TRPM3: variants seen among roughly 807,000 people sequenced by gnomAD.
TRPM3 encodes the protein long transient receptor potential channel 3.
Under a neutral mutation model 181.2 loss-of-function variants are expected in TRPM3, and 77 were observed. The observed-to-expected ratio is 0.42, with a 90% CI of 0.35 to 0.51. The LOEUF is 0.51. TRPM3 is among the 20% of genes least tolerant of loss of function. The pLI, the probability that TRPM3 is intolerant of heterozygous loss-of-function variation, is 0.01. For synonymous variants in TRPM3, 745 were observed against 796.4 expected, an observed-to-expected ratio of 0.94 and a Z score of 1.09; for missense variants, 1,759 against 2,196.7, an observed-to-expected ratio of 0.80 and a Z score of 3.98.
chr9:71,325,312 T>G (rs957405859), intron 1 of TRPM3, among the ~76,000 whole-genome samples: 3 of 152,310 alleles, frequency 2.0e-5, no homozygotes, highest in South Asian at 4.1e-4. Flanking sequence ...GCCAATGTGA[T>G]GAGCAAGGAA....
chr9:70,949,350 C>G (rs1459340576), intron 1 of TRPM3, among the ~76,000 whole-genome samples: 1 of 152,096 alleles, frequency 6.6e-6, no homozygotes, highest in African/African-American at 2.4e-5. Flanking sequence ...AGCCACCATG[C>G]CTGGTCAGTG....
At chr9:70,539,763 ACTAT>A (rs1213673791) in intron 25 of TRPM3, among the ~76,000 whole-genome samples, 1 of 152,158 alleles carries the variant, frequency 6.6e-6, no homozygotes, top group East Asian at 1.9e-4. Flanking sequence ...TTACTTTTTC[ACTAT>A]CTAGCCTATG....
At chr9:71,445,743 T>C (rs1429106470) in intron 1 of TRPM3, among the ~76,000 whole-genome samples, 1 of 152,148 alleles carries the variant, frequency 6.6e-6, no homozygotes, top group Non-Finnish European at 1.5e-5. Context: ...CTCTTCAATA[T>C]ACAACATCTG....
chr9:71,386,482 G>A (rs114336949), intron 1 of TRPM3, among the ~76,000 whole-genome samples: 2,142 of 151,772 alleles, frequency 0.014, 47 homozygotes, highest in African/African-American at 0.046. Context: ...ATATAGGAAG[G>A]GAACACATTC....
chr9:71,191,561 T>G (rs1216166470), intron 1 of TRPM3, among the ~76,000 whole-genome samples: 1 of 151,760 alleles, frequency 6.6e-6, no homozygotes, highest in Non-Finnish European at 1.5e-5. Flanking sequence ...AAACTTTGAG[T>G]TCTTTACACT....
At position 70,776,471 on chromosome 9, in the gene TRPM3, T is replaced by G. The variant is rs1406008055; in HGVS notation, c.1148+7634A>C. The G allele has an allele frequency of 7.2e-6, 5 of 698,866 alleles. No homozygotes were observed. The Admixed American group carries it at 8.5e-5, about 12-fold the overall frequency. The allele number at this position is 698,866 out of a possible 1,614,324, so 43.3% of individuals were successfully genotyped here. A position where few individuals can be genotyped will look rare whatever the true frequency, so the allele number is the denominator to read the frequency against. ...TCCTTTTTTCTTTCTCTTTTTAGAT[T>G]GGTTATATATTTTGAGCTAGTCAAA... is the stretch of plus-strand genomic sequence containing the variant. On this transcript the variant is annotated intron_variant, in intron 7 of 25. Coordinates refer to ENST00000677713, the MANE Select transcript of TRPM3 (RefSeq NM_001366145.2).
At chr9:70,648,254 C>G (rs1253699773) in intron 9 of TRPM3, among the ~76,000 whole-genome samples, 1 of 152,092 alleles carries the variant, frequency 6.6e-6, no homozygotes, top group African/African-American at 2.4e-5. Context: ...GCAGGAAGAT[C>G]ACTTGAGCCC....
intron 7 of TRPM3, among the ~76,000 whole-genome samples, chr9:70,781,755 T>C (rs1027608902): frequency 1.3e-5 from 2 of 152,072 alleles, no homozygotes; most frequent in African/African-American, 4.8e-5. Flanking sequence ...ATTTAAATAA[T>C]CTAGGTCCCA....
chr9:70,788,867 T>C (rs1351937910), intron 6 of TRPM3, among the ~76,000 whole-genome samples: 2 of 152,244 alleles, frequency 1.3e-5, no homozygotes, highest in East Asian at 3.9e-4. Context: ...GCAGCTGATC[T>C]GACAGGAGGC....
chr9:71,353,086 A>T (rs536269948), intron 1 of TRPM3, among the ~76,000 whole-genome samples: 1 of 152,190 alleles, frequency 6.6e-6, no homozygotes, highest in South Asian at 2.1e-4. Context: ...CTGGCTCTAG[A>T]TTCTTACCAC....
intron 1 of TRPM3, among the ~76,000 whole-genome samples, chr9:70,889,043 A>T (rs1302037858): frequency 6.6e-6 from 1 of 152,200 alleles, no homozygotes; most frequent in East Asian, 1.9e-4. Context: ...AACATTGCCA[A>T]CTAGAGAATG....
intron 21 of TRPM3, among the ~76,000 whole-genome samples, chr9:70,593,977 C>T (rs1225528929): frequency 6.8e-6 from 1 of 146,774 alleles, no homozygotes; most frequent in African/African-American, 2.5e-5. Context: ...TATATATACA[C>T]TGCAGTGGTT....
At chr9:70,924,681 G>C (rs773381101) in intron 1 of TRPM3, among the ~76,000 whole-genome samples, 1 of 152,032 alleles carries the variant, frequency 6.6e-6, no homozygotes, top group Non-Finnish European at 1.5e-5. Context: ...AGGCCAGCTC[G>C]GTTTCTACCA....
chr9:71,345,146 T>G (rs1407081528), intron 1 of TRPM3, among the ~76,000 whole-genome samples: 1 of 152,168 alleles, frequency 6.6e-6, no homozygotes, highest in Non-Finnish European at 1.5e-5. Context: ...TTGGTGGGAA[T>G]GTACATTAGT....
intron 1 of TRPM3, among the ~76,000 whole-genome samples, chr9:71,120,003 T>C (rs1347694795): frequency 1.3e-5 from 2 of 152,176 alleles, no homozygotes; most frequent in African/African-American, 2.4e-5. Flanking sequence ...CCAGTTGGTG[T>C]TTAACAAGAA....
chr9:70,674,550 C>CATT (rs1244700857), intron 9 of TRPM3, among the ~76,000 whole-genome samples: 4 of 151,876 alleles, frequency 2.6e-5, no homozygotes, highest in Non-Finnish European at 5.9e-5. Context: ...CATTTCAAAA[C>CATT]ATTATATATA....
rs117207306 is a variant in TRPM3 at position 71,429,432 on chromosome 9, G to T, written c.183+17221C>A. ...TCTGTAAAATGAGTACAATGAGGTTGTCATAAGAAATAAATGATTCAATAT... is the reference window on the plus strand; with the variant it reads ...TCTGTAAAATGAGTACAATGAGGTTTTCATAAGAAATAAATGATTCAATAT... On this transcript the variant is annotated intron_variant, in intron 1 of 24. Coordinates refer to the TRPM3 transcript ENST00000357533. 2.5e-3 allele frequency among the ~76,000 whole-genome samples: 385 copies of T among 152,230 alleles called. 8 individuals are homozygous for T. The East Asian group carries it at 0.06, about 24-fold the overall frequency.
intron 1 of TRPM3, among the ~76,000 whole-genome samples, chr9:71,093,803 C>T (rs1407262339): frequency 2.0e-5 from 3 of 152,092 alleles, no homozygotes; most frequent in African/African-American, 7.2e-5. Context: ...TTTGTTGCAG[C>T]ACTATTTACA....
rs531289072 is a variant in TRPM3, at chr9:71,068,648, T to A, written c.177+52530A>T. Among the ~76,000 whole-genome samples the A allele has an allele frequency of 4.8e-4, 73 of 152,310 alleles. 1 individual carries two copies. Among genetic ancestry groups the A allele is most frequent in the African/African-American group, 1.3e-3 (56 of 41,572 alleles). ...AACAGGACCTCTGTGTTACATGCTA[T>A]GTGAGTGGCCATGCTGAAGTTGGGC... On this transcript the variant is annotated intron_variant, in intron 1 of 25. Coordinates refer to ENST00000677713, the MANE Select transcript of TRPM3 (RefSeq NM_001366145.2).
Sources: allele counts gnomAD v4.1 joint callset (sites outside exome capture counted in the v4.1 genomes callset), GRCh38; gene constraint gnomAD v4.1.1; transcripts MANE v1.5; gene names NCBI Gene and HGNC (gene_info 2026-07-23, HGNC 2026-07-21).